Variants in INSL6 observed in about 807,000 individuals in gnomAD.
The protein encoded by INSL6 is insulin-like peptide INSL6.
INSL6 carries 16 observed loss-of-function variants against 9.4 expected under a neutral mutation model. That is an observed-to-expected ratio of 1.70 (90% confidence interval 1.15 to 2.59). The LOEUF is 2.59. Ranked by LOEUF, INSL6 falls within the 30% of genes most tolerant of loss-of-function variation. The pLI is 0.00. For synonymous variants in INSL6, 154 were observed against 96.9 expected (o/e 1.59, Z -3.46); for missense variants, 391 against 257.3 (o/e 1.52, Z -3.56).
chr9:5,029,652 G>A, the INSL6 span: 1 of 737,954 alleles, frequency 1.4e-6, no homozygotes, highest in Non-Finnish European at 2.1e-6. Flanking sequence ...TATATCAAAA[G>A]ATTTCGACTG....
the INSL6 span, among the ~76,000 whole-genome samples, chr9:5,042,581 T>C: frequency 2.7e-4 from 40 of 147,562 alleles, no homozygotes; most frequent in South Asian, 8.2e-3. Context: ...AGTGGGATCC[T>C]GGAGGCCCCC....
chr9:5,081,959 G>C, the INSL6 span: 4 of 991,338 alleles, frequency 4.0e-6, no homozygotes, highest in African/African-American at 5.2e-5. Context: ...ATTTTAAGGA[G>C]TGCTTGTAGA....
the INSL6 span, chr9:5,096,668 G>T: frequency 6.6e-6 from 1 of 152,022 alleles, no homozygotes; most frequent in Non-Finnish European, 1.5e-5. Context: ...TTCCACTTAT[G>T]TTCATCAATT....
chr9:5,182,206 T>C (rs375997228), intron 1 of INSL6, among the ~76,000 whole-genome samples: 1 of 152,110 alleles, frequency 6.6e-6, no homozygotes, highest in African/African-American at 2.4e-5. Context: ...ATGTGAGGAA[T>C]GCACATGAGT....
chr9:5,045,917 G>T, the INSL6 span, among the ~76,000 whole-genome samples: 1 of 152,092 alleles, frequency 6.6e-6, no homozygotes, highest in East Asian at 1.9e-4. Context: ...AAATGGAATC[G>T]CTGGATCATA....
chr9:5,101,942 G>C, the INSL6 span, among the ~76,000 whole-genome samples: 1 of 152,160 alleles, frequency 6.6e-6, no homozygotes, highest in African/African-American at 2.4e-5. Flanking sequence ...ACAAAGATGG[G>C]GAGAAACCAG....
At chr9:5,022,085 A>T in the INSL6 span, 2 of 1,613,706 alleles carry the variant, frequency 1.2e-6, no homozygotes, top group African/African-American at 2.7e-5. Flanking sequence ...AATTCTATGA[A>T]GCAAATAGAT....
chr9:4,996,039 T>C, the INSL6 span, among the ~76,000 whole-genome samples: 1 of 152,218 alleles, frequency 6.6e-6, no homozygotes, highest in Non-Finnish European at 1.5e-5. Context: ...ATCCATAGGA[T>C]AGGTCAAGTC....
At chr9:5,052,224 G>C in the INSL6 span, among the ~76,000 whole-genome samples, 4 of 152,150 alleles carry the variant, frequency 2.6e-5, no homozygotes, top group African/African-American at 9.6e-5. Context: ...CAAAGTCTTG[G>C]CACAATCTTT....
chr9:5,003,131 T>G, the INSL6 span, among the ~76,000 whole-genome samples: 2 of 151,988 alleles, frequency 1.3e-5, no homozygotes, highest in Non-Finnish European at 1.5e-5. Flanking sequence ...TTGTTCTATC[T>G]TTATGATAAA....
At chr9:5,011,457 T>C in the INSL6 span, among the ~76,000 whole-genome samples, 1 of 152,204 alleles carries the variant, frequency 6.6e-6, no homozygotes, top group Non-Finnish European at 1.5e-5. Flanking sequence ...CCCAAAATGT[T>C]GGGATTAAAG....
intron 3 of INSL6, chr9:5,126,264 G>A: frequency 9.0e-7 from 1 of 1,110,552 alleles, no homozygotes; most frequent in Non-Finnish European, 1.3e-6. Context: ...CCATTGACTG[G>A]AGGAAATTGA....
the INSL6 span, chr9:5,091,015 A>G: frequency 1.4e-5 from 12 of 872,402 alleles, no homozygotes; most frequent in Non-Finnish European, 1.9e-5. Flanking sequence ...GTAACAGTGA[A>G]CATTTAAGTC....
At position 5,185,382 on chromosome 9, in the gene INSL6, G is replaced by T; in HGVS notation, c.221C>A (p.Ala74Asp). 1 of 1,614,146 alleles carries T rather than the reference G, an allele frequency of 6.2e-7. No homozygotes were observed. Among genetic ancestry groups the T allele is most frequent in the Middle Eastern group, 1.6e-4 (1 of 6,062 alleles). ...GCTTTCGAACTGGTATGGGCTGTAG[G>T]CTTCGACCTTCTCCGAGGCCTGTGC... ...LIAQASEKVE[A>D]YSPYQFESPQ... is the part of the protein sequence containing the mutation. Residue 74 changes from alanine to aspartate, a missense_variant, in exon 1 of 2, where the codon GCC becomes GAC. By Grantham distance (126) the Ala-to-Asp change is moderately radical. Coordinates refer to ENST00000381641, the MANE Select transcript of INSL6 (RefSeq NM_007179.3).
the INSL6 span, chr9:5,041,970 G>C: frequency 2.7e-6 from 1 of 373,070 alleles, no homozygotes; most frequent in Admixed American, 3.7e-5. Context: ...CGGCCCCTTG[G>C]GGAGCGAGCT....
intron 2 of INSL6, among the ~76,000 whole-genome samples, chr9:5,146,701 G>A (rs1048598322): frequency 6.6e-6 from 1 of 152,218 alleles, no homozygotes; most frequent in Non-Finnish European, 1.5e-5. Context: ...CCTGTGTGCT[G>A]GTGGGGCAAG....
the INSL6 span, among the ~76,000 whole-genome samples, chr9:5,092,730 G>A: frequency 6.6e-6 from 1 of 152,194 alleles, no homozygotes; most frequent in Non-Finnish European, 1.5e-5. Context: ...GGCTGAAAGA[G>A]CGTACTCACC....
At chr9:5,034,709 T>C in the INSL6 span, among the ~76,000 whole-genome samples, 5 of 151,828 alleles carry the variant, frequency 3.3e-5, no homozygotes, top group African/African-American at 1.2e-4. Flanking sequence ...AGACACAACA[T>C]ACCAGAATCT....
At chr9:5,024,213 G>A in the INSL6 span, among the ~76,000 whole-genome samples, 9 of 152,054 alleles carry the variant, frequency 5.9e-5, no homozygotes, top group East Asian at 1.9e-4. Context: ...CCGAGATTGC[G>A]CCACTGCACT....
Sources: gnomAD v4.1 joint callset for allele counts (sites outside exome capture counted in the v4.1 genomes callset) on GRCh38, gnomAD v4.1.1 for gene constraint, MANE v1.5 for transcripts, NCBI Gene and HGNC (gene_info 2026-07-23, HGNC 2026-07-21) for gene names.